The following ETF1 variants were observed in gnomAD, a reference collection of about 807,000 sequenced individuals.
ETF1 encodes the protein eukaryotic peptide chain release factor subunit 1.
ETF1 carries 4 observed loss-of-function variants against 55.1 expected under a neutral mutation model. That is an observed-to-expected ratio of 0.07 (90% confidence interval 0.04 to 0.17). The LOEUF (loss-of-function observed/expected upper bound fraction) is 0.17. Among genes scored for constraint, ETF1 ranks in the 10% least tolerant of loss-of-function variants. The pLI is 1.00. For synonymous variants in ETF1, 157 were observed against 182.3 expected (o/e 0.86, Z 1.12); for missense variants, 142 against 523.6 (o/e 0.27, Z 7.11).
chr5:138,518,649 A>G (rs1312474911), intron 3 of ETF1, 43 bp downstream of exon 3: 1 of 1,570,412 alleles, frequency 6.4e-7, no homozygotes, highest in Admixed American at 1.7e-5. Flanking sequence ...ATAAAACATA[A>G]CCAAAATGTG....
intron 2 of ETF1, among the ~76,000 whole-genome samples, chr5:138,534,499 A>AT (rs1765833249): frequency 6.6e-6 from 1 of 152,152 alleles, no homozygotes; most frequent in South Asian, 2.1e-4. Flanking sequence ...CTGGGGAGGG[A>AT]TTTTGCAACA....
At chr5:138,533,572 G>C (rs1765790713) in intron 2 of ETF1, among the ~76,000 whole-genome samples, 1 of 152,130 alleles carries the variant, frequency 6.6e-6, no homozygotes, top group Non-Finnish European at 1.5e-5. Flanking sequence ...TGTAGTACCA[G>C]TTACTTGGGA....
intron 5 of ETF1, 55 bp downstream of exon 5, chr5:138,513,513 G>C: frequency 6.8e-7 from 1 of 1,466,492 alleles, no homozygotes; most frequent in Non-Finnish European, 9.5e-7. Flanking sequence ...CCACCATACT[G>C]TTTTCTTATT....
chr5:138,510,124 A>G (rs1764709252), intron 9 of ETF1, among the ~76,000 whole-genome samples: 1 of 151,322 alleles, frequency 6.6e-6, no homozygotes, highest in Non-Finnish European at 1.5e-5. Context: ...TGGGAGGCCG[A>G]GGTAAGTGGA....
In ETF1 at chr5:138,519,325, G is replaced by A. The variant is rs986106697; in HGVS notation, c.87-458C>T. 2.4e-5 allele frequency: 8 copies of A among 330,586 alleles called. No individual in the cohort carries two copies. The South Asian group carries it at 7.0e-4, about 29-fold the overall frequency. The allele number at this position is 330,586 out of a possible 1,614,324, so 20.5% of individuals were successfully genotyped here. ...TCAAGAATTTAGTATTCTAATGATG[G>A]GAAAGGAGAACTGTGGAAGTCACAG... On this transcript the variant is annotated intron_variant, in intron 2 of 10. Coordinates refer to ENST00000360541, the MANE Select transcript of ETF1 (RefSeq NM_004730.4).
chr5:138,516,647 T>C (rs1765032588), intron 4 of ETF1, among the ~76,000 whole-genome samples: 1 of 152,174 alleles, frequency 6.6e-6, no homozygotes, highest in Admixed American at 6.5e-5. Context: ...TCTCAAAACA[T>C]GCTGAATGAC....
chr5:138,531,493 C>CG (rs1278450503), intron 2 of ETF1, among the ~76,000 whole-genome samples: 2 of 152,160 alleles, frequency 1.3e-5, no homozygotes, highest in East Asian at 1.9e-4. Flanking sequence ...TTTACCAGCC[C>CG]GAACACTCAC....
intron 2 of ETF1, chr5:138,541,505 C>CT (rs1766172246): frequency 6.6e-7 from 1 of 1,518,790 alleles, no homozygotes; most frequent in Non-Finnish European, 8.8e-7. Context: ...GAACAAAACA[C>CT]TAGTAAAACC....
Position 138,512,748 on chromosome 5 carries a change from T to C in ETF1, c.732+16A>G, listed in dbSNP as rs754574727. ...ACCTAGGGTCTTACATAATAAAGCA[T>C]CTACTTCTTACTTACCTGATCAAAC... On this transcript the variant is annotated intron_variant, in intron 6 of 10. Coordinates refer to ENST00000360541, the MANE Select transcript of ETF1 (RefSeq NM_004730.4). 31 of 1,567,240 alleles carry C rather than the reference T, an allele frequency of 2.0e-5. 1 individual carries two copies. The South Asian group carries it at 3.8e-4, about 19-fold the overall frequency.
intron 4 of ETF1, among the ~76,000 whole-genome samples, chr5:138,515,752 T>C (rs1243043646): frequency 3.9e-5 from 6 of 152,144 alleles, no homozygotes; most frequent in Non-Finnish European, 7.4e-5. Flanking sequence ...ATCAACAAGA[T>C]TCAAAATCGG....
At chr5:138,517,369 TAAAAAAAAAATAAA>T (rs60605686) in intron 4 of ETF1, among the ~76,000 whole-genome samples, 178 bp downstream of exon 4, 8,459 of 145,602 alleles carry the variant, frequency 0.058, 729 homozygotes, top group African/African-American at 0.2. Context: ...AGACTCCGTC[TAAAAAAAAAATAAA>T]AAAATAAAAA....
At position 138,542,841 on chromosome 5, in the gene ETF1, C is replaced by A. The variant is rs1358920224; in HGVS notation, c.78G>T (p.Ala26=). The A allele has an allele frequency of 6.2e-7, 1 of 1,612,962 alleles. No individual in the cohort carries two copies. The highest frequency in any genetic ancestry group is 8.5e-7 in the Non-Finnish European group (1 of 1,179,848). The part of the protein sequence containing the change: ...KIKKLIKSLE[A]ARGNGTSMIS... ...CCGGACGCGGCGCTCACCCGCGGGC[C>A]GCCTCCAAGCTCTTAATGAGCTTCT... The change falls in exon 2 of 11, where the codon GCG becomes GCT. Residue 26 remains alanine (A), a synonymous_variant. Coordinates refer to ENST00000360541, the MANE Select transcript of ETF1 (RefSeq NM_004730.4).
At chr5:138,536,839 G>A (rs1393967583) in intron 2 of ETF1, among the ~76,000 whole-genome samples, 1 of 152,152 alleles carries the variant, frequency 6.6e-6, no homozygotes. Flanking sequence ...TCAATCTCAA[G>A]TTCAAAGAAA....
intron 2 of ETF1, among the ~76,000 whole-genome samples, chr5:138,531,689 C>T (rs558936548): frequency 3.3e-4 from 50 of 152,310 alleles, no homozygotes; most frequent in African/African-American, 1.2e-3. Context: ...TATGGATGGC[C>T]AAATTTTTCA....
chr5:138,525,869 T>A (rs755969031), intron 2 of ETF1, among the ~76,000 whole-genome samples: 7 of 150,088 alleles, frequency 4.7e-5, no homozygotes, highest in Non-Finnish European at 7.4e-5. Flanking sequence ...TCGCTTGAAC[T>A]TGGGAGACAG....
rs1000907185 is a variant in ETF1, at chr5:138,509,164, C to G, written c.1084-348G>C. The stretch of plus-strand genomic sequence containing the variant: ...CATTCAATGGCTCAGAAGAGACATT[C>G]CAGGACTGCTTTTGGGAGTGGCCTC... On this transcript the variant is annotated intron_variant, in intron 9 of 10. Coordinates refer to ENST00000360541, the MANE Select transcript of ETF1 (RefSeq NM_004730.4). The G allele has an allele frequency of 5.1e-6, 5 of 985,274 alleles. No homozygotes were observed. In the African/African-American group the frequency reaches 8.7e-5, roughly 17 times the overall value. The allele number at this position is 985,274 out of a possible 1,614,324, so 61.0% of individuals were successfully genotyped here.
intron 3 of ETF1, chr5:138,518,084 C>G (rs905344850): frequency 1.3e-5 from 2 of 153,494 alleles, no homozygotes; most frequent in African/African-American, 4.8e-5. Flanking sequence ...CACCTGTAGT[C>G]CCAGCTACTC....
intron 2 of ETF1, among the ~76,000 whole-genome samples, chr5:138,532,965 A>G (rs1169039239): frequency 6.6e-5 from 10 of 150,738 alleles, no homozygotes; most frequent in Non-Finnish European, 1.5e-4. Flanking sequence ...TTTGAGACGG[A>G]GTCTCACTCT....
rs928397008 is a variant in ETF1 at position 138,506,523 on chromosome 5, T to A, written c.*1782A>T. 1 of 152,690 alleles carries A rather than the reference T, an allele frequency of 6.5e-6. No individual in the cohort carries two copies. The allele number at this position is 152,690 out of a possible 1,614,324, so 9.5% of individuals were successfully genotyped here. A position where few individuals can be genotyped will look rare whatever the true frequency, so the allele number is the denominator to read the frequency against. On this transcript the variant is annotated 3_prime_UTR_variant, in exon 11 of 11. Coordinates refer to ENST00000360541, the MANE Select transcript of ETF1 (RefSeq NM_004730.4). Reference sequence around the variant, plus strand: ...CTAAGGTACTGCTGTGAAGAGAGCATGTTTGCTCGCTCTTGGGTGTTCTGC... The same window carrying A: ...CTAAGGTACTGCTGTGAAGAGAGCAAGTTTGCTCGCTCTTGGGTGTTCTGC...
Sources: gnomAD v4.1 joint callset for allele counts (sites outside exome capture counted in the v4.1 genomes callset) on GRCh38, gnomAD v4.1.1 for gene constraint, MANE v1.5 for transcripts, NCBI Gene and HGNC (gene_info 2026-07-23, HGNC 2026-07-21) for gene names.